The following SMARCA2 variants were observed in gnomAD, a reference collection of about 807,000 sequenced individuals.
The protein encoded by SMARCA2 is SWI/SNF related BAF chromatin remodeling complex subunit ATPase 2.
In SMARCA2, 61 loss-of-function variants were observed where a neutral mutation model predicts 199.8. The ratio of observed to expected loss-of-function variants is 0.31; its 90% CI spans 0.25 to 0.38. The LOEUF (loss-of-function observed/expected upper bound fraction) is 0.38. Among genes scored for constraint, SMARCA2 ranks in the 10% least tolerant of loss-of-function variants. The probability of loss-of-function intolerance (pLI) is 1.00; values close to 1 mark genes in which losing one functional copy is unlikely to be tolerated. For synonymous variants in SMARCA2, 935 were observed against 732.0 expected, an observed-to-expected ratio of 1.28 and a Z score of -4.48; for missense variants, 1,344 against 2,012.2, an observed-to-expected ratio of 0.67 and a Z score of 6.35.
At position 2,147,123 on chromosome 9, in the gene SMARCA2, G is replaced by A. The variant is rs867896654; in HGVS notation, c.3982-14563G>A. ...AGAATTTAAGAAACTGAGTAGTGCAGTAGCTCATGACAGAAGTGTTTAAGA... is the reference window on the plus strand; with the variant it reads ...AGAATTTAAGAAACTGAGTAGTGCAATAGCTCATGACAGAAGTGTTTAAGA... On this transcript the variant is annotated intron_variant, in intron 27 of 33. Transcript: ENST00000349721. Among the ~76,000 whole-genome samples the A allele has an allele frequency of 4.6e-5, 7 of 152,044 alleles. No homozygotes were observed. The Middle Eastern group carries it at 0.01, about 222-fold the overall frequency.
At chr9:2,145,304 C>CAAAA (rs56314428) in intron 27 of SMARCA2, among the ~76,000 whole-genome samples, 3 of 132,352 alleles carry the variant, frequency 2.3e-5, no homozygotes, top group Admixed American at 7.8e-5. Context: ...ACTCTTGTCT[C>CAAAA]AAAAAAAAAA....
Position 2,145,042 on chromosome 9 carries a change from G to A in SMARCA2, c.3982-16644G>A, listed in dbSNP as rs190155595. On this transcript the variant is annotated intron_variant, in intron 27 of 33. Coordinates refer to ENST00000349721, the MANE Select transcript of SMARCA2 (RefSeq NM_003070.5). ...GCGCTGGTTATGGTGGCTCATGCCT[G>A]TAATCCCAGCATTTTGGGAGGCCTA... Among the ~76,000 whole-genome samples the A allele has an allele frequency of 2.0e-5, 3 of 152,314 alleles. No homozygotes were observed. In the East Asian group the frequency reaches 5.8e-4, roughly 29 times the overall value.
At chr9:2,097,579 T>C in intron 21 of SMARCA2, 108 bp downstream of exon 21, 2 of 663,862 alleles carry the variant, frequency 3.0e-6, no homozygotes, top group Non-Finnish European at 5.1e-6. Flanking sequence ...ATTTAAAACA[T>C]GTTGGCGGAA....
chr9:2,158,808 G>T, intron 27 of SMARCA2: 1 of 691,740 alleles, frequency 1.4e-6, no homozygotes, highest in Non-Finnish European at 2.2e-6. Context: ...CTTTATGTGC[G>T]AAAAGCATTG....
At chr9:2,144,786 G>C (rs1408591189) in intron 27 of SMARCA2, among the ~76,000 whole-genome samples, 2 of 152,130 alleles carry the variant, frequency 1.3e-5, no homozygotes, top group Non-Finnish European at 2.9e-5. Flanking sequence ...GTCATTAAGA[G>C]ACTCACCTGT....
chr9:2,150,927 T>G (rs1039682871), intron 27 of SMARCA2, among the ~76,000 whole-genome samples: 1 of 151,592 alleles, frequency 6.6e-6, no homozygotes, highest in African/African-American at 2.4e-5. Flanking sequence ...AGCAGTCATA[T>G]AGGCCTAGGG....
chr9:2,179,765 T>C (rs928120423), intron 29 of SMARCA2, among the ~76,000 whole-genome samples: 4 of 152,170 alleles, frequency 2.6e-5, no homozygotes, highest in Non-Finnish European at 4.4e-5. Context: ...GTTGGCAATG[T>C]AGAAGATGAC....
chr9:2,088,320 T>C (rs1821893060), intron 18 of SMARCA2, among the ~76,000 whole-genome samples, 180 bp from the exon 19 acceptor site: 1 of 152,234 alleles, frequency 6.6e-6, no homozygotes, highest in Admixed American at 6.5e-5. Context: ...GGTCATTTTG[T>C]TACCACTTGG....
chr9:2,066,997 G>T (rs747613857), intron 9 of SMARCA2, among the ~76,000 whole-genome samples: 2 of 152,130 alleles, frequency 1.3e-5, no homozygotes, highest in Non-Finnish European at 2.9e-5. Flanking sequence ...GTACATGTGC[G>T]CACCAACCAG....
intron 5 of SMARCA2, chr9:2,047,726 T>A: frequency 3.4e-6 from 1 of 296,490 alleles, no homozygotes; most frequent in Non-Finnish European, 6.0e-6. Flanking sequence ...ACACTGCGAC[T>A]GTGGAATACA....
intron 3 of SMARCA2, among the ~76,000 whole-genome samples, chr9:2,036,177 A>AGT (rs140964092): frequency 0.028 from 4,191 of 147,842 alleles, 118 homozygotes; most frequent in African/African-American, 0.065. Context: ...ATATTTAAAT[A>AGT]GTGTGTGTGT....
At chr9:2,028,956 A>T (rs1334292175) in intron 1 of SMARCA2, 31 bp from the exon 2 acceptor site, 2 of 1,508,212 alleles carry the variant, frequency 1.3e-6, no homozygotes, top group African/African-American at 1.4e-5. Context: ...TGTTTAAAAC[A>T]TGCCTTCCTT....
intron 28 of SMARCA2, among the ~76,000 whole-genome samples, chr9:2,168,146 G>C (rs903044581): frequency 6.6e-6 from 1 of 151,716 alleles, no homozygotes; most frequent in Non-Finnish European, 1.5e-5. Context: ...AGAGTTGCTG[G>C]GATTATGGGC....
At chr9:2,107,977 G>A (rs576496222) in intron 23 of SMARCA2, among the ~76,000 whole-genome samples, 1 of 152,130 alleles carries the variant, frequency 6.6e-6, no homozygotes, top group African/African-American at 2.4e-5. Flanking sequence ...GTAAGGAAGT[G>A]GGGTGGTGTA....
At chr9:2,184,074 A>G (rs1193384715) in intron 31 of SMARCA2, among the ~76,000 whole-genome samples, 3 of 151,922 alleles carry the variant, frequency 2.0e-5, no homozygotes, top group Non-Finnish European at 2.9e-5. Flanking sequence ...TCTCTTCCCA[A>G]CCTTTGAGGT....
chr9:2,164,467 G>C (rs1041153401), intron 28 of SMARCA2, among the ~76,000 whole-genome samples: 3 of 152,150 alleles, frequency 2.0e-5, no homozygotes, highest in African/African-American at 7.2e-5. Flanking sequence ...CCAGAAATGG[G>C]ATTCATTACT....
intron 29 of SMARCA2, among the ~76,000 whole-genome samples, chr9:2,176,182 G>GTTTT (rs56186732): frequency 5.1e-4 from 53 of 104,134 alleles, no homozygotes; most frequent in Middle Eastern, 6.3e-3. Context: ...CGCCCGGCCT[G>GTTTT]TTTTTTTTTT....
chr9:2,097,517 T>C (rs1822320930), intron 21 of SMARCA2, 46 bp downstream of exon 21: 1 of 1,066,358 alleles, frequency 9.4e-7, no homozygotes, highest in Admixed American at 2.3e-5. Context: ...CTAATCATAC[T>C]AATGCTAGTT....
At chr9:2,042,610 A>G (rs894098518) in intron 4 of SMARCA2, 2 of 151,922 alleles carry the variant, frequency 1.3e-5, no homozygotes, top group African/African-American at 4.8e-5. Flanking sequence ...GTCCTAATCA[A>G]CCCAATCCTG....
Sources: gnomAD v4.1 joint callset for allele counts (sites outside exome capture counted in the v4.1 genomes callset) on GRCh38, gnomAD v4.1.1 for gene constraint, MANE v1.5 for transcripts, NCBI Gene and HGNC (gene_info 2026-07-23, HGNC 2026-07-21) for gene names.